ANO4: variants seen among roughly 807,000 people sequenced by gnomAD.
ANO4 encodes the protein anoctamin-4.
A neutral mutation model predicts 141.9 loss-of-function variants in ANO4; 69 were observed. That is an observed-to-expected ratio of 0.49 (90% CI 0.40 to 0.59). ANO4 has a LOEUF of 0.59. Ranked by LOEUF, ANO4 falls within the 20% of genes least tolerant of loss-of-function variation. The pLI is 0.00. For synonymous variants in ANO4, 350 were observed against 394.3 expected (o/e 0.89, Z 1.33); for missense variants, 894 against 1,162.2 (o/e 0.77, Z 3.36).
At chr12:101,077,184 C>G (rs534414160) in intron 14 of ANO4, among the ~76,000 whole-genome samples, 108 of 152,206 alleles carry the variant, frequency 7.1e-4, no homozygotes, top group Non-Finnish European at 1.3e-3. Context: ...GAGTTTCTAA[C>G]GAGCTTGCCT....
chr12:100,972,406 C>T (rs1438890675), intron 6 of ANO4, among the ~76,000 whole-genome samples: 1 of 152,166 alleles, frequency 6.6e-6, no homozygotes, highest in Non-Finnish European at 1.5e-5. Context: ...CTTCTTTGTT[C>T]ATTGGCCTGT....
intron 5 of ANO4, among the ~76,000 whole-genome samples, chr12:100,957,429 C>T (rs541100667): frequency 2.6e-5 from 4 of 152,332 alleles, no homozygotes; most frequent in African/African-American, 7.2e-5. Context: ...CACCTCTCCA[C>T]ACTACCACAC....
intron 8 of ANO4, among the ~76,000 whole-genome samples, chr12:101,000,459 G>C (rs186162043): frequency 6.6e-6 from 1 of 151,894 alleles, no homozygotes; most frequent in Non-Finnish European, 1.5e-5. Context: ...TGTTTTCATC[G>C]ATCTGAAATC....
chr12:101,043,381 G>A (rs1159192866), intron 12 of ANO4, among the ~76,000 whole-genome samples, 158 bp from the exon 13 acceptor site: 1 of 152,172 alleles, frequency 6.6e-6, no homozygotes, highest in African/African-American at 2.4e-5. Context: ...ATTTAAATGG[G>A]CAAGAACTTG....
intron 3 of ANO4, among the ~76,000 whole-genome samples, chr12:100,926,849 C>T (rs1347700319): frequency 6.6e-6 from 1 of 151,910 alleles, no homozygotes; most frequent in Non-Finnish European, 1.5e-5. Context: ...GGGAGCCAGG[C>T]TTCTGGTAGG....
intron 3 of ANO4, among the ~76,000 whole-genome samples, chr12:100,774,091 T>G (rs2033397238): frequency 6.6e-6 from 1 of 152,166 alleles, no homozygotes; most frequent in Non-Finnish European, 1.5e-5. Context: ...TATAAAAAGT[T>G]TGCCAAGTCC....
At chr12:100,819,677 C>A (rs544620953) in intron 1 of ANO4, among the ~76,000 whole-genome samples, 5 of 151,778 alleles carry the variant, frequency 3.3e-5, no homozygotes, top group Non-Finnish European at 7.4e-5. Flanking sequence ...ACTTAAAGAA[C>A]CTGAGAACAG....
intron 22 of ANO4, among the ~76,000 whole-genome samples, chr12:101,104,569 T>C (rs2050333845): frequency 6.8e-6 from 1 of 146,874 alleles, no homozygotes; most frequent in Non-Finnish European, 1.5e-5. Context: ...CTCTACGTTA[T>C]TTCAGGCTTT....
chr12:100,964,583 G>A (rs984573997), intron 5 of ANO4, among the ~76,000 whole-genome samples: 4 of 152,114 alleles, frequency 2.6e-5, no homozygotes, highest in Admixed American at 2.0e-4. Flanking sequence ...ATGAGAAAGT[G>A]ATGCCCAGAT....
chr12:100,957,165 G>T (rs1181060540), intron 5 of ANO4, among the ~76,000 whole-genome samples: 1 of 152,174 alleles, frequency 6.6e-6, no homozygotes, highest in Non-Finnish European at 1.5e-5. Context: ...AATACAGGAA[G>T]CACAGCGCCA....
intron 1 of ANO4, among the ~76,000 whole-genome samples, chr12:100,829,822 G>C (rs533181649): frequency 1.3e-5 from 2 of 152,126 alleles, no homozygotes; most frequent in South Asian, 4.1e-4. Context: ...CTAATTCTTT[G>C]TGAAGTGGGT....
At chr12:101,007,762 C>T (rs1031832560) in intron 8 of ANO4, among the ~76,000 whole-genome samples, 6 of 152,106 alleles carry the variant, frequency 3.9e-5, no homozygotes, top group East Asian at 1.9e-4. Flanking sequence ...CTCTGTCACA[C>T]GGGCTGGAGC....
intron 5 of ANO4, among the ~76,000 whole-genome samples, chr12:100,946,894 A>G (rs2042749809): frequency 6.6e-6 from 1 of 152,196 alleles, no homozygotes; most frequent in Admixed American, 6.5e-5. Flanking sequence ...TTCAGGAGAG[A>G]TGGAGGAATC....
At chr12:100,959,343 T>C (rs187385345) in intron 5 of ANO4, among the ~76,000 whole-genome samples, 1 of 152,100 alleles carries the variant, frequency 6.6e-6, no homozygotes. Context: ...TGCATCATCA[T>C]TTTTCCTCTC....
At position 101,073,224 on chromosome 12, in the gene ANO4, A is replaced by G. The variant is rs562545461; in HGVS notation, c.1313-5969A>G. On this transcript the variant is annotated intron_variant, in intron 14 of 27. Transcript: ENST00000392977. Reference sequence around the variant, plus strand: ...TAAGAAAATGTGGCACATATACACCATGGCATACTATGCAGCCATAAAAAA... The same window carrying G: ...TAAGAAAATGTGGCACATATACACCGTGGCATACTATGCAGCCATAAAAAA... Among the ~76,000 whole-genome samples, 11 of 152,296 alleles carry G rather than the reference A, an allele frequency of 7.2e-5. No individual in the cohort carries two copies. The East Asian group carries it at 1.9e-3, about 27-fold the overall frequency.
At chr12:100,767,476 A>C (rs1225068258) in intron 3 of ANO4, among the ~76,000 whole-genome samples, 2 of 152,154 alleles carry the variant, frequency 1.3e-5, no homozygotes, top group Non-Finnish European at 2.9e-5. Context: ...GGCCATTATT[A>C]AGTCAAATAA....
At chr12:100,970,421 A>G (rs2043864511) in intron 5 of ANO4, among the ~76,000 whole-genome samples, 1 of 151,962 alleles carries the variant, frequency 6.6e-6, no homozygotes, top group Non-Finnish European at 1.5e-5. Context: ...ACATACCAGG[A>G]AGCTTCCCAG....
intron 5 of ANO4, among the ~76,000 whole-genome samples, chr12:100,967,894 A>G (rs2043748989): frequency 6.6e-6 from 1 of 152,198 alleles, no homozygotes; most frequent in African/African-American, 2.4e-5. Context: ...TATCAGGTAT[A>G]ATTCAAAAGG....
chr12:101,034,643 A>C (rs1454330926), intron 9 of ANO4, among the ~76,000 whole-genome samples: 1 of 152,200 alleles, frequency 6.6e-6, no homozygotes, highest in Non-Finnish European at 1.5e-5. Context: ...GCCACACATT[A>C]GGAGAAAAAA....
Sources: gnomAD v4.1 joint callset for allele counts (sites outside exome capture counted in the v4.1 genomes callset) on GRCh38, gnomAD v4.1.1 for gene constraint, MANE v1.5 for transcripts, NCBI Gene and HGNC (gene_info 2026-07-23, HGNC 2026-07-21) for gene names.